ALK: variants seen among roughly 807,000 people sequenced by gnomAD.
ALK encodes ALK tyrosine kinase receptor.
ALK carries 74 observed loss-of-function variants against 163.1 expected under a neutral mutation model. The ratio of observed to expected loss-of-function variants is 0.45; its 90% CI spans 0.38 to 0.55. ALK has a LOEUF of 0.55. ALK is among the 20% of genes least tolerant of loss of function. ALK has a pLI of 0.00. For missense variants in ALK, 2,063 were observed against 2,105.3 expected, an observed-to-expected ratio of 0.98 and a Z score of 0.39; for synonymous variants, 960 against 843.2, an observed-to-expected ratio of 1.14 and a Z score of -2.40.
At chr2:29,903,317 T>C (rs1036607087) in intron 1 of ALK, among the ~76,000 whole-genome samples, 1 of 152,200 alleles carries the variant, frequency 6.6e-6, no homozygotes, top group Non-Finnish European at 1.5e-5. Flanking sequence ...CTATGAAAGA[T>C]AGAAAGAACT....
chr2:29,625,262 T>A (rs960016090), intron 3 of ALK, among the ~76,000 whole-genome samples: 2 of 152,222 alleles, frequency 1.3e-5, no homozygotes, highest in Non-Finnish European at 2.9e-5. Context: ...AAAGATTACA[T>A]AGCTAAGGAA....
chr2:29,580,371 T>G (rs1674647929), intron 3 of ALK, among the ~76,000 whole-genome samples: 2 of 152,164 alleles, frequency 1.3e-5, no homozygotes. Context: ...CGCTTCGGTG[T>G]CCTCTCCCGC....
At chr2:29,677,561 C>T (rs1457574549) in intron 3 of ALK, among the ~76,000 whole-genome samples, 1 of 151,972 alleles carries the variant, frequency 6.6e-6, no homozygotes, top group Non-Finnish European at 1.5e-5. Context: ...TGTACTTTAT[C>T]CTATTAACAT....
chr2:29,295,082 T>G (rs1558657387), intron 9 of ALK, among the ~76,000 whole-genome samples: 1 of 152,218 alleles, frequency 6.6e-6, no homozygotes. Flanking sequence ...TTTCTGTAAT[T>G]GTACACTTAT....
At chr2:29,753,547 C>G (rs1028507362) in intron 1 of ALK, among the ~76,000 whole-genome samples, 4 of 152,250 alleles carry the variant, frequency 2.6e-5, no homozygotes, top group African/African-American at 9.6e-5. Flanking sequence ...GAAATAACAC[C>G]TGCTTGGTTT....
intron 1 of ALK, among the ~76,000 whole-genome samples, chr2:29,806,903 C>G (rs1371065176): frequency 2.0e-5 from 3 of 152,160 alleles, no homozygotes; most frequent in African/African-American, 7.2e-5. Context: ...AGGAAAAGAC[C>G]ACAGGTCTGT....
At chr2:29,884,026 T>C (rs1196922385) in intron 1 of ALK, among the ~76,000 whole-genome samples, 3 of 152,232 alleles carry the variant, frequency 2.0e-5, no homozygotes, top group Non-Finnish European at 4.4e-5. Context: ...TGTTCATAAT[T>C]GAGAGAAATG....
At chr2:29,779,824 A>C (rs12466048) in intron 1 of ALK, among the ~76,000 whole-genome samples, 90,686 of 152,132 alleles carry the variant, frequency 0.6, 31,956 homozygotes, top group Non-Finnish European at 0.79. Context: ...GTGCTTGAAC[A>C]GCCTATATCT....
intron 3 of ALK, among the ~76,000 whole-genome samples, chr2:29,590,135 G>A (rs1002449348): frequency 2.6e-5 from 4 of 152,048 alleles, no homozygotes; most frequent in African/African-American, 4.8e-5. Flanking sequence ...CCATGGGAAC[G>A]GATATGCATA....
intron 6 of ALK, among the ~76,000 whole-genome samples, chr2:29,322,315 C>T (rs1667082673): frequency 6.6e-6 from 1 of 152,244 alleles, no homozygotes; most frequent in Non-Finnish European, 1.5e-5. Flanking sequence ...TAAATTAAAA[C>T]AGGCTGTCAC....
At chr2:29,616,222 G>A (rs1380782109) in intron 3 of ALK, among the ~76,000 whole-genome samples, 1 of 152,204 alleles carries the variant, frequency 6.6e-6, no homozygotes, top group Non-Finnish European at 1.5e-5. Context: ...TCGGGAAAGA[G>A]GTGGCCTGTG....
At chr2:29,298,222 T>G (rs1666257335) in intron 8 of ALK, among the ~76,000 whole-genome samples, 1 of 152,214 alleles carries the variant, frequency 6.6e-6, no homozygotes, top group Non-Finnish European at 1.5e-5. Flanking sequence ...GTAAGCCTGG[T>G]CTATAACCAC....
At chr2:29,644,576 TC>T (rs70958275) in intron 3 of ALK, among the ~76,000 whole-genome samples, 109,524 of 150,910 alleles carry the variant, frequency 0.73, 39,784 homozygotes, top group Middle Eastern at 0.79. Flanking sequence ...GGTTTTTTTT[TC>T]CCCCCACTCT....
chr2:29,570,218 T>C (rs886861216), intron 3 of ALK, among the ~76,000 whole-genome samples: 1 of 152,180 alleles, frequency 6.6e-6, no homozygotes, highest in African/African-American at 2.4e-5. Flanking sequence ...AAACCTAGGA[T>C]TCTAATGGAT....
intron 1 of ALK, among the ~76,000 whole-genome samples, chr2:29,837,384 A>G (rs770826867): frequency 1.3e-5 from 2 of 152,206 alleles, no homozygotes; most frequent in Non-Finnish European, 2.9e-5. Context: ...TGAGATCTAC[A>G]TATGTGCATA....
intron 3 of ALK, among the ~76,000 whole-genome samples, chr2:29,596,389 C>T (rs1348697266): frequency 6.6e-6 from 1 of 152,230 alleles, no homozygotes; most frequent in Non-Finnish European, 1.5e-5. Flanking sequence ...AAATGTGTTG[C>T]TGCCACCTTC....
chr2:29,901,433 C>T (rs1667412859), intron 1 of ALK, among the ~76,000 whole-genome samples: 1 of 152,136 alleles, frequency 6.6e-6, no homozygotes, highest in South Asian at 2.1e-4. Flanking sequence ...GAGGATTAAA[C>T]TAAAGAAAAT....
intron 1 of ALK, among the ~76,000 whole-genome samples, chr2:29,919,623 T>C (rs1278893717): frequency 2.0e-5 from 3 of 152,176 alleles, no homozygotes; most frequent in Non-Finnish European, 4.4e-5. Flanking sequence ...GGCAATAGTT[T>C]TGACATCTAC....
chr2:29,747,169 A>G (rs771103825), intron 1 of ALK, among the ~76,000 whole-genome samples: 21 of 151,988 alleles, frequency 1.4e-4, no homozygotes, highest in Non-Finnish European at 2.8e-4. Context: ...CTCCAGCTTG[A>G]CCTCTCTCAA....
Sources: allele counts gnomAD v4.1 joint callset (sites outside exome capture counted in the v4.1 genomes callset), GRCh38; gene constraint gnomAD v4.1.1; transcripts MANE v1.5; gene names NCBI Gene and HGNC (gene_info 2026-07-23, HGNC 2026-07-21).